Variants in GPC6 observed in about 807,000 individuals in gnomAD.
GPC6 encodes the protein glypican-6.
In GPC6, 14 loss-of-function variants were observed where a neutral mutation model predicts 55.2. That is an observed-to-expected ratio of 0.25 (90% CI 0.17 to 0.40). The LOEUF (loss-of-function observed/expected upper bound fraction) is 0.40. GPC6 is among the 10% of genes least tolerant of loss of function. GPC6 has a pLI of 1.00. For synonymous variants in GPC6, 278 were observed against 259.6 expected (o/e 1.07, Z -0.68); for missense variants, 641 against 708.5 (o/e 0.90, Z 1.08).
intron 4 of GPC6, among the ~76,000 whole-genome samples, chr13:94,033,784 T>G (rs1331024522): frequency 6.6e-6 from 1 of 152,178 alleles, no homozygotes; most frequent in African/African-American, 2.4e-5. Context: ...AATGATTTCC[T>G]TTAAACCAAA....
chr13:93,807,550 T>C (rs1022792839), intron 2 of GPC6, among the ~76,000 whole-genome samples: 4 of 152,196 alleles, frequency 2.6e-5, no homozygotes, highest in Admixed American at 6.5e-5. Context: ...CAAAATGGCA[T>C]GAAGGCAAGA....
chr13:93,706,687 C>T (rs186039396), intron 2 of GPC6, among the ~76,000 whole-genome samples: 16 of 151,866 alleles, frequency 1.1e-4, no homozygotes, highest in Non-Finnish European at 2.1e-4. Flanking sequence ...TTAAAGAACC[C>T]AGGAGTTGGG....
intron 4 of GPC6, among the ~76,000 whole-genome samples, chr13:94,119,482 C>T (rs376265088): frequency 3.3e-5 from 5 of 151,858 alleles, no homozygotes; most frequent in African/African-American, 1.2e-4. Context: ...GGGGGAATAG[C>T]ATTACAGGCA....
chr13:93,768,717 A>G (rs1397994184), intron 2 of GPC6, among the ~76,000 whole-genome samples: 2 of 152,096 alleles, frequency 1.3e-5, no homozygotes, highest in Non-Finnish European at 2.9e-5. Context: ...TCATACAGGA[A>G]TTTTTTTAAA....
intron 4 of GPC6, among the ~76,000 whole-genome samples, chr13:94,114,547 T>TA (rs1886366108): frequency 6.6e-6 from 1 of 152,116 alleles, no homozygotes; most frequent in Non-Finnish European, 1.5e-5. Flanking sequence ...TGGTTCTGTC[T>TA]AAAAAATACA....
intron 1 of GPC6, among the ~76,000 whole-genome samples, chr13:93,327,430 A>G (rs1181571447): frequency 2.6e-5 from 4 of 152,114 alleles, no homozygotes; most frequent in Non-Finnish European, 5.9e-5. Flanking sequence ...ATTTCCTTTT[A>G]CACTTGTTCA....
At chr13:93,917,697 G>C (rs1437213639) in intron 3 of GPC6, among the ~76,000 whole-genome samples, 1 of 152,176 alleles carries the variant, frequency 6.6e-6, no homozygotes, top group African/African-American at 2.4e-5. Context: ...ATGGTTATGA[G>C]CCTGGCTTTG....
intron 3 of GPC6, among the ~76,000 whole-genome samples, chr13:93,944,183 T>TTTATTTAG (rs1161173459): frequency 3.0e-5 from 1 of 32,812 alleles, no homozygotes; most frequent in Admixed American, 3.5e-4. Context: ...TATTTATTTA[T>TTTATTTAG]TTATTTATTT....
intron 1 of GPC6, among the ~76,000 whole-genome samples, chr13:93,431,289 C>A (rs1877349751): frequency 6.6e-6 from 1 of 152,140 alleles, no homozygotes; most frequent in African/African-American, 2.4e-5. Flanking sequence ...GAAGCCATGT[C>A]TATTTTAAGC....
At chr13:93,986,647 A>C (rs1216645411) in intron 3 of GPC6, among the ~76,000 whole-genome samples, 3 of 152,152 alleles carry the variant, frequency 2.0e-5, no homozygotes, top group Non-Finnish European at 4.4e-5. Flanking sequence ...TCTTACTATA[A>C]TATTGGAACC....
chr13:93,912,867 CCAGT>C (rs1198288036), intron 3 of GPC6, among the ~76,000 whole-genome samples: 1 of 152,186 alleles, frequency 6.6e-6, no homozygotes, highest in Non-Finnish European at 1.5e-5. Context: ...TCCCTACCTG[CCAGT>C]GACTGGGTTA....
intron 4 of GPC6, among the ~76,000 whole-genome samples, chr13:94,133,253 G>A (rs1183199144): frequency 1.5e-5 from 2 of 130,116 alleles, no homozygotes; most frequent in East Asian, 4.5e-4. Context: ...CACCATACAG[G>A]TACTGACCAG....
intron 2 of GPC6, among the ~76,000 whole-genome samples, chr13:93,632,743 C>T (rs1353490475): frequency 6.6e-6 from 1 of 151,554 alleles, no homozygotes; most frequent in Non-Finnish European, 1.5e-5. Flanking sequence ...TACACCCTTC[C>T]ACTGCCACCA....
intron 1 of GPC6, among the ~76,000 whole-genome samples, chr13:93,312,657 G>A (rs1175599950): frequency 6.6e-6 from 1 of 152,060 alleles, no homozygotes; most frequent in Non-Finnish European, 1.5e-5. Context: ...TGCCTATAGT[G>A]AACCATTTAT....
At chr13:94,071,346 A>G (rs903801090) in intron 4 of GPC6, among the ~76,000 whole-genome samples, 13 of 152,210 alleles carry the variant, frequency 8.5e-5, no homozygotes, top group African/African-American at 1.7e-4. Context: ...GGATGACATG[A>G]TTTGATTAAA....
Position 94,337,409 on chromosome 13 carries a change from A to G in GPC6, c.1152+31286A>G, listed in dbSNP as rs114844997. ...ACTTGGAGCTGCCAGGGCTAGTAAC[A>G]TAGATAGTACATTTAATTCATGATA... On this transcript the variant is annotated intron_variant, in intron 6 of 8. Transcript: ENST00000377047. Among the ~76,000 whole-genome samples, 571 of 152,162 alleles carry G rather than the reference A, an allele frequency of 3.8e-3. 4 individuals are homozygous for G. The highest frequency in any genetic ancestry group is 0.012 in the African/African-American group (489 of 41,520).
intron 1 of GPC6, among the ~76,000 whole-genome samples, chr13:93,440,614 G>A (rs1014763744): frequency 1.3e-5 from 2 of 152,186 alleles, no homozygotes; most frequent in African/African-American, 4.8e-5. Context: ...TGGAGATCAG[G>A]GAGGCATTTT....
intron 1 of GPC6, among the ~76,000 whole-genome samples, chr13:93,231,399 A>ATATATATATATATATATATATATACG (rs1876044623): frequency 3.0e-5 from 1 of 33,226 alleles, no homozygotes; most frequent in African/African-American, 1.7e-4. Flanking sequence ...ATATATATGT[A>ATATATATATATATATATATATATACG]TATATATATA....
At chr13:93,645,174 T>A (rs1239283552) in intron 2 of GPC6, among the ~76,000 whole-genome samples, 1 of 151,520 alleles carries the variant, frequency 6.6e-6, no homozygotes, top group Admixed American at 6.6e-5. Context: ...AGAAAACTGT[T>A]CAGATTCTTT....
Sources: gnomAD v4.1 joint callset for allele counts (sites outside exome capture counted in the v4.1 genomes callset) on GRCh38, gnomAD v4.1.1 for gene constraint, MANE v1.5 for transcripts, NCBI Gene and HGNC (gene_info 2026-07-23, HGNC 2026-07-21) for gene names.